The following APLP2 variants were observed in gnomAD, a reference collection of about 807,000 sequenced individuals.
APLP2 encodes CDEI box-binding protein.
In APLP2, 53 loss-of-function variants were observed where a neutral mutation model predicts 89.9. That is an observed-to-expected ratio of 0.59 (90% CI 0.47 to 0.74). The LOEUF is 0.74. Ranked by LOEUF, APLP2 falls within the 30% of genes least tolerant of loss-of-function variation. The pLI is 0.00. For synonymous variants in APLP2, 372 were observed against 348.6 expected, an observed-to-expected ratio of 1.07 and a Z score of -0.75; for missense variants, 973 against 975.9, an observed-to-expected ratio of 1.00 and a Z score of 0.04.
In APLP2 at chr11:130,120,827, A is replaced by G. The variant is rs1371009181; in HGVS notation, c.516+9A>G. 5 of 1,594,708 alleles carry G rather than the reference A, an allele frequency of 3.1e-6. No homozygotes were observed. Among genetic ancestry groups the G allele is most frequent in the African/African-American group, 1.3e-5 (1 of 74,236 alleles). On this transcript the variant is annotated intron_variant, in intron 4 of 16. Coordinates refer to ENST00000338167, the MANE Select transcript of APLP2 (RefSeq NM_001142276.2). The stretch of plus-strand genomic sequence containing the variant: ...ACACGGTAGTCAAAGAGGTAAGAGA[A>G]CTCGGGGGGAAAGTCAGCTGCTGTT...
At chr11:130,118,810 A>C (rs1949502373) in intron 3 of APLP2, among the ~76,000 whole-genome samples, 1 of 152,196 alleles carries the variant, frequency 6.6e-6, no homozygotes, top group African/African-American at 2.4e-5. Context: ...GGTAAGCAGC[A>C]TGTCAGGCTC....
chr11:130,134,186 T>C (rs1951269404), intron 12 of APLP2, among the ~76,000 whole-genome samples: 1 of 152,220 alleles, frequency 6.6e-6, no homozygotes, highest in South Asian at 2.1e-4. Flanking sequence ...TGGTACCTGC[T>C]GGAGTTGATG....
At chr11:130,092,864 A>G (rs1439698350) in intron 1 of APLP2, among the ~76,000 whole-genome samples, 1 of 152,192 alleles carries the variant, frequency 6.6e-6, no homozygotes, top group East Asian at 1.9e-4. Flanking sequence ...AGCAAATCAG[A>G]AAAGGCTGAG....
At position 130,069,990 on chromosome 11, in the gene APLP2, G is replaced by A. The variant is rs781587544; in HGVS notation, c.13G>A (p.Gly5Arg). 2.7e-6 allele frequency: 4 copies of A among 1,503,742 alleles called. No individual in the cohort carries two copies. The highest frequency in any genetic ancestry group is 2.1e-5 in the Admixed American group (1 of 48,250). 93.1% of individuals were successfully genotyped at this position (1,503,742 alleles called of 1,614,324 possible). MAAT[G>R]TAAAAATGRL... ...GACCCGGCGAGGGATGGCGGCCACC[G>A]GGACCGCGGCCGCCGCAGCCACGGG... The change falls in exon 1 of 17, where the codon GGG becomes AGG. Residue 5 changes from glycine (G) to arginine (R), a missense_variant. Gly to Arg is a moderately radical substitution (Grantham distance 125, BLOSUM62 -2). Coordinates refer to ENST00000338167, the MANE Select transcript of APLP2 (RefSeq NM_001142276.2).
intron 14 of APLP2, chr11:130,140,913 T>C (rs1591856808): frequency 6.5e-6 from 1 of 153,276 alleles, no homozygotes; most frequent in Non-Finnish European, 1.4e-5. Flanking sequence ...ATGTGGCTTT[T>C]TTTTTTTTTT....
chr11:130,127,892 C>G (rs749066321), intron 9 of APLP2, 52 bp downstream of exon 9: 1 of 1,495,770 alleles, frequency 6.7e-7, no homozygotes, highest in African/African-American at 1.4e-5. Flanking sequence ...TTGGAAAATA[C>G]GGTCAGAGCC....
chr11:130,100,043 A>G (rs777967260), intron 1 of APLP2, among the ~76,000 whole-genome samples: 10 of 152,268 alleles, frequency 6.6e-5, no homozygotes, highest in African/African-American at 9.6e-5. Flanking sequence ...GAGCGCTTCT[A>G]TGTGACAAAC....
chr11:130,113,085 C>T (rs1042106344), intron 3 of APLP2, among the ~76,000 whole-genome samples: 3 of 152,212 alleles, frequency 2.0e-5, no homozygotes, highest in South Asian at 2.1e-4. Flanking sequence ...ACTTATCACA[C>T]TGTACCATGA....
At chr11:130,133,554 T>C (rs1000524764) in intron 11 of APLP2, 75 bp from the exon 12 acceptor site, 2 of 1,065,478 alleles carry the variant, frequency 1.9e-6, no homozygotes, top group Non-Finnish European at 2.9e-6. Flanking sequence ...GTTGTGTCGA[T>C]GTTCCAGCTG....
At chr11:130,093,711 C>T (rs560502223) in intron 1 of APLP2, among the ~76,000 whole-genome samples, 43 of 152,192 alleles carry the variant, frequency 2.8e-4, no homozygotes, top group Non-Finnish European at 5.3e-4. Flanking sequence ...TTCAGAATAC[C>T]AGAGATTGGG....
At chr11:130,143,075 G>T (rs1952616586) in intron 16 of APLP2, among the ~76,000 whole-genome samples, 1 of 152,204 alleles carries the variant, frequency 6.6e-6, no homozygotes, top group Admixed American at 6.5e-5. Flanking sequence ...AGCCTTGCTT[G>T]TCACCACGGT....
Position 130,123,416 on chromosome 11 carries a change from A to G in APLP2, c.923-196A>G, listed in dbSNP as rs1019033223. On this transcript the variant is annotated intron_variant, in intron 6 of 16. Transcript: ENST00000338167. This position sits in a 1 kb window ranked among gnomAD's most constrained non-coding sequence, Gnocchi z 4.0. ...AAAAAATATTTATCCCAGTTCCTAA[A>G]TGTCTCTACTCTGTGGGGAAGCAAC... is the stretch of plus-strand genomic sequence containing the variant. 6.6e-6 allele frequency among the ~76,000 whole-genome samples: 1 copy of G among 152,232 alleles called. No individual in the cohort carries two copies. The highest frequency in any genetic ancestry group is 2.4e-5 in the African/African-American group (1 of 41,476).
At chr11:130,101,913 C>T (rs2135699149) in intron 1 of APLP2, 1 of 455,362 alleles carries the variant, frequency 2.2e-6, no homozygotes, top group Admixed American at 2.4e-5. Flanking sequence ...ATTTACTTGT[C>T]ATTTCTGCTT....
intron 3 of APLP2, among the ~76,000 whole-genome samples, chr11:130,112,507 A>AAGGTG (rs1348734375): frequency 2.5e-4 from 38 of 152,204 alleles, no homozygotes; most frequent in South Asian, 4.1e-4. Flanking sequence ...TGTTGGGTCT[A>AAGGTG]ACTACTTAAC....
At chr11:130,138,258 C>T (rs746275902) in intron 13 of APLP2, among the ~76,000 whole-genome samples, 44 of 152,180 alleles carry the variant, frequency 2.9e-4, no homozygotes, top group Non-Finnish European at 4.3e-4. Context: ...TTCTGGTTTA[C>T]GCCACAGGTT....
intron 1 of APLP2, among the ~76,000 whole-genome samples, chr11:130,086,198 A>G (rs1422678851): frequency 6.6e-6 from 1 of 152,228 alleles, no homozygotes; most frequent in African/African-American, 2.4e-5. Context: ...ATCCTTGCCA[A>G]CAGTTACTTT....
chr11:130,121,948 A>G, intron 5 of APLP2, 138 bp downstream of exon 5: 6 of 1,359,152 alleles, frequency 4.4e-6, no homozygotes, highest in Admixed American at 2.2e-5. Context: ...TTAAGCTTGC[A>G]TTTCATTCTA....
intron 4 of APLP2, among the ~76,000 whole-genome samples, chr11:130,121,376 C>G (rs1949798904): frequency 6.6e-6 from 1 of 152,176 alleles, no homozygotes; most frequent in Non-Finnish European, 1.5e-5. Context: ...TGACTTTTTT[C>G]CACATTTGGG....
At chr11:130,085,953 C>T (rs569307856) in intron 1 of APLP2, among the ~76,000 whole-genome samples, 31 of 152,312 alleles carry the variant, frequency 2.0e-4, no homozygotes, top group African/African-American at 7.0e-4. Context: ...TTAATGGGCA[C>T]TTGGGATGTT....
Sources: allele counts gnomAD v4.1 joint callset (sites outside exome capture counted in the v4.1 genomes callset), GRCh38; gene constraint gnomAD v4.1.1; non-coding constraint Gnocchi (gnomAD v3.1); transcripts MANE v1.5; gene names NCBI Gene and HGNC (gene_info 2026-07-23, HGNC 2026-07-21).